The following EHMT1 variants were observed in gnomAD, a reference collection of about 807,000 sequenced individuals.
EHMT1 encodes the protein histone-lysine N-methyltransferase EHMT1.
Under a neutral mutation model 147.2 loss-of-function variants are expected in EHMT1, and 15 were observed. The ratio of observed to expected loss-of-function variants is 0.10; its 90% CI spans 0.07 to 0.16. The LOEUF (loss-of-function observed/expected upper bound fraction) is 0.16. EHMT1 is among the 10% of genes least tolerant of loss of function. The pLI is 1.00. For synonymous variants in EHMT1, 795 were observed against 709.6 expected (o/e 1.12, Z -1.91); for missense variants, 1,587 against 1,772.4 (o/e 0.90, Z 1.88).
In EHMT1 at chr9:137,817,465, G is replaced by T; in HGVS notation, c.3401G>T (p.Arg1134Leu). The change falls in exon 24 of 27, where the codon CGG becomes CTG. Residue 1134 changes from arginine (R) to leucine (L), a missense_variant. By Grantham distance (102) the Arg-to-Leu change is moderately radical. Around this residue, in one of 7 missense-constraint regions of EHMT1, gnomAD observed 156 missense variants for 252.5 expected, o/e 0.62. Transcript: ENST00000460843. ...GCAAGGCTGCAGCTCTACCGGACGCGGGACATGGGCTGGGGCGTGCGGTCC... is the reference window on the plus strand; with the variant it reads ...GCAAGGCTGCAGCTCTACCGGACGCTGGACATGGGCTGGGGCGTGCGGTCC... ...LRARLQLYRT[R>L]DMGWGVRSLQ... The T allele has an allele frequency of 6.2e-7, 1 of 1,614,178 alleles. No homozygotes were observed. The highest frequency in any genetic ancestry group is 1.1e-5 in the South Asian group (1 of 91,082).
intron 18 of EHMT1, among the ~76,000 whole-genome samples, chr9:137,801,353 G>A (rs962005987): frequency 5.3e-5 from 8 of 152,186 alleles, no homozygotes; most frequent in African/African-American, 1.2e-4. Flanking sequence ...ATGGAGTCTC[G>A]CTCTGTCGCC....
At chr9:137,760,139 G>A (rs371264639) in intron 9 of EHMT1, among the ~76,000 whole-genome samples, 11 of 152,168 alleles carry the variant, frequency 7.2e-5, no homozygotes, top group Admixed American at 3.9e-4. Context: ...GGGCTAGGGC[G>A]GGAGAGGCAG....
intron 4 of EHMT1, 33 bp from the exon 5 acceptor site, chr9:137,743,338 T>G: frequency 1.3e-6 from 2 of 1,562,860 alleles, no homozygotes; most frequent in Non-Finnish European, 1.7e-6. Flanking sequence ...TTTTCCTTTC[T>G]TGTCCCCTTT....
intron 15 of EHMT1, chr9:137,789,187 C>G (rs1046791564): frequency 3.9e-5 from 6 of 152,470 alleles, no homozygotes; most frequent in African/African-American, 1.4e-4. Flanking sequence ...GCTGCCCGAG[C>G]CCTCCTCCCC....
intron 16 of EHMT1, among the ~76,000 whole-genome samples, chr9:137,796,307 T>C (rs1242704921): frequency 6.6e-6 from 1 of 152,220 alleles, no homozygotes; most frequent in East Asian, 1.9e-4. Flanking sequence ...AATTTAAGAA[T>C]TTCTCTTCAA....
At chr9:137,705,793 C>T (rs538940361) in intron 1 of EHMT1, among the ~76,000 whole-genome samples, 6 of 152,160 alleles carry the variant, frequency 3.9e-5, no homozygotes, top group African/African-American at 9.7e-5. Context: ...GGGGGATGGC[C>T]CTAGAGGGCT....
chr9:137,711,976 G>A (rs1188620314), intron 2 of EHMT1, among the ~76,000 whole-genome samples: 1 of 152,172 alleles, frequency 6.6e-6, no homozygotes, highest in Non-Finnish European at 1.5e-5. Flanking sequence ...TGGCCTCGCT[G>A]TGCCTGTGGG....
intron 18 of EHMT1, among the ~76,000 whole-genome samples, chr9:137,810,293 AAGGCGCT>A (rs1554894596): frequency 4.6e-5 from 7 of 151,640 alleles, no homozygotes; most frequent in African/African-American, 7.3e-5. Context: ...CCCTGCGTGA[AAGGCGCT>A]CCTCGCACGG....
intron 3 of EHMT1, among the ~76,000 whole-genome samples, chr9:137,717,820 C>T (rs978498844): frequency 2.6e-5 from 4 of 152,194 alleles, no homozygotes; most frequent in African/African-American, 9.7e-5. Flanking sequence ...GAAGACTCAG[C>T]CCTGACCCTG....
At chr9:137,753,697 A>G (rs1949157444) in intron 7 of EHMT1, among the ~76,000 whole-genome samples, 1 of 152,190 alleles carries the variant, frequency 6.6e-6, no homozygotes, top group Admixed American at 6.5e-5. Flanking sequence ...CGGATTTTAG[A>G]AGCAGATGCT....
chr9:137,745,739 A>G (rs541209538), intron 6 of EHMT1: 31 of 392,880 alleles, frequency 7.9e-5, no homozygotes, highest in Non-Finnish European at 1.2e-4. Flanking sequence ...TCAGTGTCAC[A>G]GTTTTGCTGA....
chr9:137,712,785 C>T (rs1944861865), intron 2 of EHMT1, among the ~76,000 whole-genome samples: 1 of 152,156 alleles, frequency 6.6e-6, no homozygotes, highest in Admixed American at 6.5e-5. Context: ...TGAAGTCCGA[C>T]TTACCTGTTT....
chr9:137,810,281 C>T (rs1468439973), intron 18 of EHMT1, among the ~76,000 whole-genome samples: 8 of 152,198 alleles, frequency 5.3e-5, no homozygotes, highest in Non-Finnish European at 1.2e-4. Flanking sequence ...GTTCCGATGC[C>T]GCCCTGCGTG....
At chr9:137,728,001 T>C (rs995656417) in intron 3 of EHMT1, among the ~76,000 whole-genome samples, 4 of 152,330 alleles carry the variant, frequency 2.6e-5, no homozygotes, top group African/African-American at 9.6e-5. Flanking sequence ...TTGGAACATT[T>C]TTTTCTGCAA....
chr9:137,831,637 A>G (rs1956194742), intron 25 of EHMT1, among the ~76,000 whole-genome samples: 1 of 152,156 alleles, frequency 6.6e-6, no homozygotes, highest in Non-Finnish European at 1.5e-5. Context: ...TTTGTTCTTC[A>G]TTGAGGACAG....
intron 1 of EHMT1, among the ~76,000 whole-genome samples, chr9:137,665,476 C>T (rs749340385): frequency 2.6e-5 from 4 of 152,168 alleles, no homozygotes; most frequent in African/African-American, 4.8e-5. Context: ...ACAGGAGCTC[C>T]GGTGGGAGGT....
At chr9:137,691,348 AT>A (rs949648667) in intron 1 of EHMT1, among the ~76,000 whole-genome samples, 26 of 146,646 alleles carry the variant, frequency 1.8e-4, no homozygotes, top group Admixed American at 2.7e-4. Flanking sequence ...TTTTCTTAAA[AT>A]TTTTTTTTTG....
intron 17 of EHMT1, among the ~76,000 whole-genome samples, chr9:137,799,825 G>T (rs1028836589): frequency 2.0e-5 from 3 of 152,232 alleles, no homozygotes; most frequent in Non-Finnish European, 2.9e-5. Context: ...TCTCGCCTTT[G>T]CCCTGAGCGC....
At chr9:137,675,843 G>A (rs937449599) in intron 1 of EHMT1, among the ~76,000 whole-genome samples, 1 of 137,810 alleles carries the variant, frequency 7.3e-6, no homozygotes, top group Admixed American at 7.2e-5. Context: ...GAGTGCAGTG[G>A]CGGGATCTCG....
Sources: gnomAD v4.1 joint callset for allele counts (sites outside exome capture counted in the v4.1 genomes callset) on GRCh38, gnomAD v4.1.1 for gene constraint, gnomAD v4.1.1 regional missense constraint, MANE v1.5 for transcripts, NCBI Gene and HGNC (gene_info 2026-07-23, HGNC 2026-07-21) for gene names.